Variants in MALT1 observed in about 807,000 individuals in gnomAD.
The protein encoded by MALT1 is mucosa-associated lymphoid tissue lymphoma translocation protein 1.
A neutral mutation model predicts 85.5 loss-of-function variants in MALT1; 36 were observed. That is an observed-to-expected ratio of 0.42 (90% confidence interval 0.32 to 0.56). The LOEUF (loss-of-function observed/expected upper bound fraction) is 0.56, where lower values mean the gene tolerates loss of function less well. Among genes scored for constraint, MALT1 ranks in the 20% least tolerant of loss-of-function variants. The probability of loss-of-function intolerance (pLI) is 0.10; values close to 1 mark genes in which losing one functional copy is unlikely to be tolerated. For synonymous variants in MALT1, 359 were observed against 361.3 expected (o/e 0.99, Z 0.07); for missense variants, 716 against 981.6 (o/e 0.73, Z 3.62).
intron 1 of MALT1, among the ~76,000 whole-genome samples, chr18:58,679,015 G>A (rs889400626): frequency 6.6e-6 from 1 of 152,188 alleles, no homozygotes; most frequent in Admixed American, 6.5e-5. Flanking sequence ...GCTGTTGTTG[G>A]TTATGTTTCT....
At chr18:58,700,417 C>A in intron 3 of MALT1, 24 bp from the exon 4 acceptor site, 1 of 1,570,482 alleles carries the variant, frequency 6.4e-7, no homozygotes, top group Admixed American at 1.9e-5. Context: ...GAGTCATCCA[C>A]TTCTCTTATT....
chr18:58,703,660 C>T (rs2054705898), intron 4 of MALT1, among the ~76,000 whole-genome samples: 2 of 152,178 alleles, frequency 1.3e-5, no homozygotes, highest in South Asian at 4.1e-4. Flanking sequence ...ACGAGAACAG[C>T]ATGGGGGAAA....
intron 1 of MALT1, among the ~76,000 whole-genome samples, chr18:58,675,914 T>C (rs1222967316): frequency 6.6e-6 from 1 of 152,216 alleles, no homozygotes; most frequent in Non-Finnish European, 1.5e-5. Flanking sequence ...ACGTCTTCCC[T>C]TATAAACCTC....
intron 7 of MALT1, among the ~76,000 whole-genome samples, chr18:58,712,633 CAA>C (rs2054846556): frequency 6.6e-6 from 1 of 152,016 alleles, no homozygotes. Flanking sequence ...AGTAGGGTGA[CAA>C]TAGGTAACAG....
At chr18:58,707,705 A>ACAT (rs2054773442) in intron 4 of MALT1, among the ~76,000 whole-genome samples, 1 of 152,176 alleles carries the variant, frequency 6.6e-6, no homozygotes, top group Non-Finnish European at 1.5e-5. Flanking sequence ...TTACACATTA[A>ACAT]CATATAGAGA....
chr18:58,688,836 T>G (rs1281493673), intron 2 of MALT1, among the ~76,000 whole-genome samples: 2 of 152,098 alleles, frequency 1.3e-5, no homozygotes, highest in Non-Finnish European at 2.9e-5. Context: ...GAAAGCGGGA[T>G]TACCGTGGGA....
intron 10 of MALT1, among the ~76,000 whole-genome samples, chr18:58,732,991 A>G (rs748724050): frequency 1.3e-5 from 2 of 152,078 alleles, no homozygotes; most frequent in Middle Eastern, 3.4e-3. Flanking sequence ...GCTTACAGCA[A>G]TCTCCACCTC....
At chr18:58,673,797 A>G (rs2054201788) in intron 1 of MALT1, among the ~76,000 whole-genome samples, 1 of 152,160 alleles carries the variant, frequency 6.6e-6, no homozygotes, top group South Asian at 2.1e-4. Context: ...AGAGTTTGGG[A>G]TTGAGGCAAA....
At chr18:58,720,668 C>T (rs921336989) in intron 9 of MALT1, among the ~76,000 whole-genome samples, 1 of 152,132 alleles carries the variant, frequency 6.6e-6, no homozygotes, top group Non-Finnish European at 1.5e-5. Flanking sequence ...TTGATATCAG[C>T]AAAAACATCC....
chr18:58,704,511 C>G (rs2054718046), intron 4 of MALT1, among the ~76,000 whole-genome samples: 1 of 152,154 alleles, frequency 6.6e-6, no homozygotes, highest in Admixed American at 6.5e-5. Flanking sequence ...GGTTGGAGTG[C>G]AGTGGCACGA....
intron 4 of MALT1, among the ~76,000 whole-genome samples, chr18:58,706,448 C>T (rs1230222862): frequency 2.6e-5 from 4 of 152,194 alleles, no homozygotes; most frequent in African/African-American, 9.7e-5. Flanking sequence ...AGCCACCGCG[C>T]CCAGCCCACG....
Position 58,709,909 on chromosome 18 carries a change from A to T in MALT1, c.829-67A>T, listed in dbSNP as rs549785950. ...TTTTGGAGCGTATTTTTAAAACACAAAATGATTTTTTCTCCAAGCCATTAA... is the reference window on the plus strand; with the variant it reads ...TTTTGGAGCGTATTTTTAAAACACATAATGATTTTTTCTCCAAGCCATTAA... On this transcript the variant is annotated intron_variant, in intron 5 of 16. Transcript: ENST00000649217. 49 of 1,050,858 alleles carry T rather than the reference A, an allele frequency of 4.7e-5. No homozygotes were observed. The African/African-American group carries it at 6.7e-4, about 14-fold the overall frequency. The allele number at this position is 1,050,858 out of a possible 1,614,324, so 65.1% of individuals were successfully genotyped here.
Position 58,747,562 on chromosome 18 carries a change from T to C in MALT1, c.2195T>C (p.Met732Thr), listed in dbSNP as rs141329024. The change falls in exon 17 of 17, where the codon ATG (methionine) becomes ACG (threonine). Residue 732 changes from methionine to threonine, a missense_variant. Physicochemically the swap from Met to Thr is moderately conservative, Grantham distance 81. Transcript: ENST00000649217. ...GRKTCFQTCL[M>T]SNGPYQSSAA... ...AAGACTTGCTTTCAAACTTGTCTTATGTCTAATGGTCCTTACCAGAGTTCT... is the reference window on the plus strand; with the variant it reads ...AAGACTTGCTTTCAAACTTGTCTTACGTCTAATGGTCCTTACCAGAGTTCT... 525 of 1,614,090 alleles carry C rather than the reference T, an allele frequency of 3.3e-4. 1 individual carries two copies. Among genetic ancestry groups the C allele is most frequent in the East Asian group, 6.7e-4 (30 of 44,892 alleles).
intron 1 of MALT1, chr18:58,674,248 A>G (rs916790268): frequency 1.3e-5 from 2 of 152,244 alleles, no homozygotes; most frequent in African/African-American, 4.8e-5. Flanking sequence ...GCCTTCAGTC[A>G]GTTTTTGTTA....
rs533406974 is a variant in MALT1, at chr18:58,671,588, A to T, written c.-56A>T. The stretch of plus-strand genomic sequence containing the variant: ...GCGAGCGGAAGGTGCCCCGGGGCCG[A>T]GGCCCGTGACGGGGCGGGCGGGAGC... On this transcript the variant is annotated 5_prime_UTR_variant, in exon 1 of 17. Transcript: ENST00000649217. 1.8e-6 allele frequency: 2 copies of T among 1,132,564 alleles called. No individual in the cohort carries two copies. The highest frequency in any genetic ancestry group is 3.2e-5 in the African/African-American group (2 of 61,814). 70.2% of individuals were successfully genotyped at this position (1,132,564 alleles called of 1,614,324 possible).
Position 58,696,363 on chromosome 18 carries a change from TAGGAATAAAGA to T in MALT1, c.377-2_385del. 2 of 1,373,282 alleles carry T rather than the reference TAGGAATAAAGA, an allele frequency of 1.5e-6. No individual in the cohort carries two copies. Among genetic ancestry groups the T allele is most frequent in the African/African-American group, 1.5e-5 (1 of 65,104 alleles). The allele number at this position is 1,373,282 out of a possible 1,614,324, so 85.1% of individuals were successfully genotyped here. A position where few individuals can be genotyped will look rare whatever the true frequency, so the allele number is the denominator to read the frequency against. ...TTTTTTTTTTTTTTTTTTTTTTTTT[TAGGAATAAAGA>T]TTACTGTAAACCCAGAGTCAAAGGC... is the stretch of plus-strand genomic sequence containing the variant. On this transcript the variant is annotated splice_acceptor_variant and coding_sequence_variant, in exon 3 of 17. Coordinates refer to ENST00000649217, the MANE Select transcript of MALT1 (RefSeq NM_006785.4). LOFTEE classifies it high-confidence loss of function.
chr18:58,724,474 TGAA>T lies in MALT1; in HGVS notation c.1222+1224_1222+1226del, dbSNP rs1568146384. On this transcript the variant is annotated intron_variant, in intron 10 of 16. Transcript: ENST00000649217. ...GGTGAATCCATCCATTTTTTTCTTATGAAAATATGAAAGAATATACAATGCAAA... is the reference window on the plus strand; with the variant it reads ...GGTGAATCCATCCATTTTTTTCTTATAATATGAAAGAATATACAATGCAAA... 1.5e-4 allele frequency among the ~76,000 whole-genome samples: 23 copies of T among 152,292 alleles called. 1 individual carries two copies. The South Asian group carries it at 4.1e-3, about 27-fold the overall frequency.
chr18:58,735,377 G>T, intron 13 of MALT1, 48 bp downstream of exon 13: 4 of 1,555,346 alleles, frequency 2.6e-6, no homozygotes, highest in Non-Finnish European at 3.4e-6. Context: ...GGAGAGCAGG[G>T]GAGACACACC....
At chr18:58,713,738 C>A (rs1287684090) in intron 7 of MALT1, among the ~76,000 whole-genome samples, 1 of 152,090 alleles carries the variant, frequency 6.6e-6, no homozygotes, top group Non-Finnish European at 1.5e-5. Context: ...GTTCTGTAAA[C>A]CTTAAAATGT....
Sources: allele counts gnomAD v4.1 joint callset (sites outside exome capture counted in the v4.1 genomes callset), GRCh38; gene constraint gnomAD v4.1.1; transcripts MANE v1.5; gene names NCBI Gene and HGNC (gene_info 2026-07-23, HGNC 2026-07-21).